Variants in RANBP2 observed in about 807,000 individuals in gnomAD.
The protein encoded by RANBP2 is RAN binding protein 2, also known as E3 SUMO-protein ligase RanBP2.
Under a neutral mutation model 303.6 loss-of-function variants are expected in RANBP2, and 57 were observed. The ratio of observed to expected loss-of-function variants is 0.19; its 90% CI spans 0.15 to 0.23. The LOEUF (loss-of-function observed/expected upper bound fraction) is 0.23. Among genes scored for constraint, RANBP2 ranks in the 10% least tolerant of loss-of-function variants. RANBP2 has a pLI of 1.00. For synonymous variants in RANBP2, 1,167 were observed against 1,301.5 expected (o/e 0.90, Z 2.23); for missense variants, 3,138 against 3,780.8 (o/e 0.83, Z 4.46).
chr2:108,926,304 C>T, the RANBP2 span, among the ~76,000 whole-genome samples: 1 of 152,178 alleles, frequency 6.6e-6, no homozygotes, highest in Non-Finnish European at 1.5e-5. Flanking sequence ...TCCCTAGCCC[C>T]CCAACCCCTG....
At chr2:109,318,366 G>A in the RANBP2 span, among the ~76,000 whole-genome samples, 11 of 152,172 alleles carry the variant, frequency 7.2e-5, no homozygotes, top group Admixed American at 5.2e-4. Context: ...CTGCCCACTC[G>A]CTGCACAGAC....
rs554336011 is a variant in RANBP2, at chr2:108,746,842, A to G, written c.1063+44A>G. 5 of 612,016 alleles carry G rather than the reference A, an allele frequency of 8.2e-6. No homozygotes were observed. The East Asian group carries it at 1.1e-4, about 14-fold the overall frequency. The allele number at this position is 612,016 out of a possible 1,614,324, so 37.9% of individuals were successfully genotyped here. A position where few individuals can be genotyped will look rare whatever the true frequency, so the allele number is the denominator to read the frequency against. On this transcript the variant is annotated intron_variant, in intron 8 of 28. Transcript: ENST00000283195. ...TAATTTAATTTAAAAAGAAAAAGGA[A>G]TTTCTGTTAAGGCATATCTTATGAT... is the stretch of plus-strand genomic sequence containing the variant.
the RANBP2 span, among the ~76,000 whole-genome samples, chr2:108,983,074 A>G: frequency 7.9e-5 from 12 of 152,208 alleles, no homozygotes; most frequent in Non-Finnish European, 1.5e-4. Context: ...CCGATGCACA[A>G]TTAGTTTGTG....
the RANBP2 span, among the ~76,000 whole-genome samples, chr2:109,371,133 A>C: frequency 6.6e-6 from 1 of 152,226 alleles, no homozygotes; most frequent in African/African-American, 2.4e-5. Flanking sequence ...TCACACCTGT[A>C]ATCCCAGCAC....
the RANBP2 span, among the ~76,000 whole-genome samples, chr2:108,956,774 C>T: frequency 2.8e-5 from 4 of 141,756 alleles, no homozygotes. Context: ...GCAGGAAAGG[C>T]GAAAGCTCTC....
chr2:108,813,700 ATGT>A, the RANBP2 span, among the ~76,000 whole-genome samples: 1 of 152,212 alleles, frequency 6.6e-6, no homozygotes, highest in Non-Finnish European at 1.5e-5. Context: ...TAAATATTTC[ATGT>A]TGTCTATAAC....
chr2:108,853,974 ATAATATATAATATATAATAAATTTATATT>A, the RANBP2 span, among the ~76,000 whole-genome samples: 3 of 104,860 alleles, frequency 2.9e-5, no homozygotes, highest in Admixed American at 1.4e-4. Context: ...TAAAATATAT[ATAATATATAATATATAATAAATTTATATT>A]ATATATAATA....
At chr2:109,272,918 A>G in the RANBP2 span, among the ~76,000 whole-genome samples, 101 of 152,302 alleles carry the variant, frequency 6.6e-4, no homozygotes, top group Middle Eastern at 3.4e-3. Flanking sequence ...ACAGTTTCCT[A>G]GCAGCCTTAA....
At chr2:109,419,069 C>T in the RANBP2 span, among the ~76,000 whole-genome samples, 1 of 152,186 alleles carries the variant, frequency 6.6e-6, no homozygotes, top group Admixed American at 6.5e-5. Context: ...CTGTGACTCC[C>T]GGTCCTCTTG....
At chr2:109,073,938 A>G in the RANBP2 span, among the ~76,000 whole-genome samples, 1 of 150,766 alleles carries the variant, frequency 6.6e-6, no homozygotes, top group Non-Finnish European at 1.5e-5. Context: ...ATGACACAAA[A>G]GAAAAAAAGT....
chr2:109,176,101 C>G, the RANBP2 span, among the ~76,000 whole-genome samples: 1 of 152,172 alleles, frequency 6.6e-6, no homozygotes, highest in Non-Finnish European at 1.5e-5. Flanking sequence ...CTCATTCTGT[C>G]CACCTGCATT....
chr2:109,049,273 C>T, the RANBP2 span, among the ~76,000 whole-genome samples: 1 of 152,194 alleles, frequency 6.6e-6, no homozygotes, highest in Non-Finnish European at 1.5e-5. Context: ...TAAGAGAAGG[C>T]CAAGGGAGAT....
At chr2:109,492,451 G>C in the RANBP2 span, among the ~76,000 whole-genome samples, 1 of 152,118 alleles carries the variant, frequency 6.6e-6, no homozygotes, top group African/African-American at 2.4e-5. Context: ...AGCATCACAA[G>C]AGCTGGGTGT....
At chr2:109,564,608 G>A in the RANBP2 span, 2 of 1,271,354 alleles carry the variant, frequency 1.6e-6, no homozygotes, top group East Asian at 2.5e-5. Context: ...TTTGCTGAAT[G>A]AACAAATAAA....
chr2:109,158,975 G>C, the RANBP2 span, among the ~76,000 whole-genome samples: 1 of 152,110 alleles, frequency 6.6e-6, no homozygotes, highest in African/African-American at 2.4e-5. Flanking sequence ...AAATTAGCTG[G>C]GTGTGGTGGC....
the RANBP2 span, among the ~76,000 whole-genome samples, chr2:109,408,663 G>T: frequency 6.6e-6 from 1 of 152,252 alleles, no homozygotes; most frequent in Non-Finnish European, 1.5e-5. Flanking sequence ...TCAGACAGAA[G>T]GATGGATAGA....
the RANBP2 span, among the ~76,000 whole-genome samples, chr2:109,351,191 C>T: frequency 7.9e-5 from 12 of 152,210 alleles, no homozygotes; most frequent in Non-Finnish European, 1.8e-4. Flanking sequence ...GTGGGCCCAG[C>T]TCTGCCAGCT....
the RANBP2 span, among the ~76,000 whole-genome samples, chr2:109,079,017 A>G: frequency 6.6e-6 from 1 of 152,012 alleles, no homozygotes; most frequent in African/African-American, 2.4e-5. Flanking sequence ...ATGTGAAGGG[A>G]TGGATATGTT....
the RANBP2 span, among the ~76,000 whole-genome samples, chr2:109,034,987 C>T: frequency 6.6e-6 from 1 of 152,162 alleles, no homozygotes; most frequent in Non-Finnish European, 1.5e-5. Flanking sequence ...TTAGGTAGGT[C>T]TGACACTTGG....
Sources: gnomAD v4.1 joint callset for allele counts (sites outside exome capture counted in the v4.1 genomes callset) on GRCh38, gnomAD v4.1.1 for gene constraint, MANE v1.5 for transcripts, NCBI Gene and HGNC (gene_info 2026-07-23, HGNC 2026-07-21) for gene names.